Variants in SMYD3 observed in about 807,000 individuals in gnomAD.
SMYD3 encodes histone-lysine N-methyltransferase SMYD3.
A neutral mutation model predicts 57.7 loss-of-function variants in SMYD3; 36 were observed. The observed-to-expected ratio is 0.62, with a 90% confidence interval of 0.48 to 0.82. The LOEUF (loss-of-function observed/expected upper bound fraction) is 0.82, where lower values mean the gene tolerates loss of function less well. Among genes scored for constraint, SMYD3 ranks in the 40% least tolerant of loss-of-function variants. SMYD3 has a pLI of 0.00. For synonymous variants in SMYD3, 211 were observed against 195.0 expected, an observed-to-expected ratio of 1.08 and a Z score of -0.68; for missense variants, 515 against 538.8, an observed-to-expected ratio of 0.96 and a Z score of 0.44.
At chr1:246,155,590 G>T (rs911565191) in intron 5 of SMYD3, among the ~76,000 whole-genome samples, 5 of 152,100 alleles carry the variant, frequency 3.3e-5, no homozygotes, top group East Asian at 1.9e-4. Flanking sequence ...TCACTTATTG[G>T]TTCATCTTTC....
chr1:246,242,917 T>C (rs1380040087), intron 5 of SMYD3, among the ~76,000 whole-genome samples: 1 of 152,120 alleles, frequency 6.6e-6, no homozygotes, highest in Non-Finnish European at 1.5e-5. Flanking sequence ...TAAATATATA[T>C]ATGCACCCAA....
At chr1:245,872,436 C>T (rs61830210) in intron 8 of SMYD3, among the ~76,000 whole-genome samples, 88,965 of 128,312 alleles carry the variant, frequency 0.69, 29,288 homozygotes, top group Non-Finnish European at 0.79. Flanking sequence ...GTTCCTGCCG[C>T]CTTCTCCTTC....
intron 10 of SMYD3, among the ~76,000 whole-genome samples, chr1:245,816,419 A>G: frequency 6.6e-6 from 1 of 151,420 alleles, no homozygotes; most frequent in African/African-American, 2.4e-5. Flanking sequence ...TCAGAATAGG[A>G]CGACTGGAAC....
chr1:246,294,708 C>T (rs569580464), intron 5 of SMYD3, among the ~76,000 whole-genome samples: 1 of 152,222 alleles, frequency 6.6e-6, no homozygotes, highest in Non-Finnish European at 1.5e-5. Context: ...ACATGATTCT[C>T]CTGCCTCAGT....
At chr1:246,055,650 T>C (rs1035416426) in intron 5 of SMYD3, among the ~76,000 whole-genome samples, 1 of 152,166 alleles carries the variant, frequency 6.6e-6, no homozygotes, top group African/African-American at 2.4e-5. Context: ...GGTATATACA[T>C]ACAATGCAAT....
chr1:245,810,432 C>G (rs1211906582), intron 10 of SMYD3, among the ~76,000 whole-genome samples: 1 of 152,194 alleles, frequency 6.6e-6, no homozygotes, highest in Non-Finnish European at 1.5e-5. Flanking sequence ...TCCCAGAACT[C>G]TAAGCATCCT....
intron 10 of SMYD3, among the ~76,000 whole-genome samples, chr1:245,852,384 G>A (rs551163378): frequency 1.3e-5 from 2 of 152,314 alleles, no homozygotes; most frequent in Non-Finnish European, 1.5e-5. Context: ...TTACCCAAAC[G>A]TACAGGTGGC....
intron 10 of SMYD3, among the ~76,000 whole-genome samples, chr1:245,791,991 G>A (rs1479983641): frequency 8.8e-6 from 1 of 114,068 alleles, no homozygotes; most frequent in Non-Finnish European, 1.9e-5. Context: ...TGTGTAAGCG[G>A]TATACGTATT....
intron 5 of SMYD3, among the ~76,000 whole-genome samples, chr1:246,258,681 T>C (rs1290043468): frequency 6.6e-6 from 1 of 152,224 alleles, no homozygotes; most frequent in Non-Finnish European, 1.5e-5. Flanking sequence ...TTGAACAGTT[T>C]GGTGACTATA....
intron 8 of SMYD3, among the ~76,000 whole-genome samples, chr1:245,903,060 A>G (rs2054298733): frequency 6.6e-6 from 1 of 152,240 alleles, no homozygotes; most frequent in South Asian, 2.1e-4. Context: ...AAACTCAGTG[A>G]TATACAAGAG....
At chr1:246,312,842 C>T (rs1248529765) in intron 5 of SMYD3, among the ~76,000 whole-genome samples, 2 of 152,072 alleles carry the variant, frequency 1.3e-5, no homozygotes, top group African/African-American at 2.4e-5. Context: ...AAAAGACTTC[C>T]GAAGGTTAAA....
intron 8 of SMYD3, among the ~76,000 whole-genome samples, chr1:245,867,663 C>T (rs999709294): frequency 6.8e-5 from 10 of 147,870 alleles, no homozygotes; most frequent in South Asian, 2.1e-4. Flanking sequence ...CGTGTGCGTG[C>T]GCGCGCACAC....
intron 1 of SMYD3, among the ~76,000 whole-genome samples, chr1:246,359,392 G>C (rs2148711207): frequency 6.6e-6 from 1 of 152,210 alleles, no homozygotes; most frequent in Admixed American, 6.5e-5. Flanking sequence ...CATTCAAAGA[G>C]GAACCAGTAT....
chr1:246,288,663 A>G (rs1326990419), intron 5 of SMYD3, among the ~76,000 whole-genome samples: 1 of 152,208 alleles, frequency 6.6e-6, no homozygotes, highest in African/African-American at 2.4e-5. Flanking sequence ...CAAAGAATTG[A>G]GCATTTATCT....
intron 2 of SMYD3, among the ~76,000 whole-genome samples, chr1:246,344,583 T>C (rs184205152): frequency 5.3e-5 from 8 of 152,328 alleles, no homozygotes; most frequent in African/African-American, 1.9e-4. Context: ...AACTCTTAGG[T>C]AAATAACTAG....
At chr1:245,872,135 G>A (rs533642472) in intron 8 of SMYD3, among the ~76,000 whole-genome samples, 1 of 152,230 alleles carries the variant, frequency 6.6e-6, no homozygotes, top group Non-Finnish European at 1.5e-5. Context: ...GGCAATGAGC[G>A]TAACTGTGAT....
chr1:245,895,092 C>T (rs954530204), intron 8 of SMYD3, among the ~76,000 whole-genome samples: 2 of 152,114 alleles, frequency 1.3e-5, no homozygotes, highest in Non-Finnish European at 1.5e-5. Context: ...CGTAGCATGC[C>T]CAGAAGCCTC....
chr1:246,023,744 C>T (rs1048606875), intron 5 of SMYD3, among the ~76,000 whole-genome samples: 1 of 151,616 alleles, frequency 6.6e-6, no homozygotes, highest in African/African-American at 2.4e-5. Flanking sequence ...TTTCCAATTT[C>T]CAGCTATGTA....
At chr1:246,073,239 T>C (rs1012887153) in intron 5 of SMYD3, among the ~76,000 whole-genome samples, 1 of 152,174 alleles carries the variant, frequency 6.6e-6, no homozygotes, top group Non-Finnish European at 1.5e-5. Context: ...AGAACATGTA[T>C]GGTATTGTTG....
Sources: allele counts gnomAD v4.1 joint callset (sites outside exome capture counted in the v4.1 genomes callset), GRCh38; gene constraint gnomAD v4.1.1; transcripts MANE v1.5; gene names NCBI Gene and HGNC (gene_info 2026-07-23, HGNC 2026-07-21).